CDK6: variants seen among roughly 807,000 people sequenced by gnomAD.
CDK6 encodes cyclin-dependent kinase 6.
Under a neutral mutation model 37.1 loss-of-function variants are expected in CDK6, and 6 were observed. The ratio of observed to expected loss-of-function variants is 0.16; its 90% CI spans 0.09 to 0.32. The LOEUF is 0.32. CDK6 is among the 10% of genes least tolerant of loss of function. CDK6 has a pLI of 1.00. For synonymous variants in CDK6, 160 were observed against 161.3 expected (o/e 0.99, Z 0.06); for missense variants, 224 against 418.9 (o/e 0.53, Z 4.06).
intron 5 of CDK6, among the ~76,000 whole-genome samples, chr7:92,625,532 C>CAAAAAA (rs67461662): frequency 7.7e-5 from 11 of 142,560 alleles, no homozygotes; most frequent in South Asian, 4.5e-4. Context: ...TGCAGTTTTG[C>CAAAAAA]AAAAAAAAAC....
intron 4 of CDK6, among the ~76,000 whole-genome samples, chr7:92,684,660 G>C (rs1278409780): frequency 6.6e-6 from 1 of 152,120 alleles, no homozygotes; most frequent in Non-Finnish European, 1.5e-5. Flanking sequence ...CTCACCAGCT[G>C]CCCATGTCAG....
chr7:92,664,867 C>T (rs1270568040), intron 5 of CDK6, among the ~76,000 whole-genome samples: 1 of 151,800 alleles, frequency 6.6e-6, no homozygotes, highest in Admixed American at 6.6e-5. Context: ...CTCACTGCAA[C>T]CTCCACCTCC....
intron 2 of CDK6, among the ~76,000 whole-genome samples, chr7:92,829,671 C>T (rs975599745): frequency 6.6e-6 from 1 of 152,162 alleles, no homozygotes; most frequent in African/African-American, 2.4e-5. Flanking sequence ...ATAGATCAAT[C>T]CCTATGTTAG....
chr7:92,633,134 C>A (rs1273132208), intron 5 of CDK6, among the ~76,000 whole-genome samples: 2 of 152,010 alleles, frequency 1.3e-5, no homozygotes, highest in Non-Finnish European at 2.9e-5. Flanking sequence ...TGGGTACACA[C>A]ATTTTCACTT....
intron 4 of CDK6, among the ~76,000 whole-genome samples, chr7:92,672,386 T>C (rs1797111338): frequency 6.6e-6 from 1 of 151,124 alleles, no homozygotes; most frequent in African/African-American, 2.4e-5. Context: ...AGAAAACAAG[T>C]AAAAAGTGGG....
rs3731277 is a variant in CDK6, at chr7:92,811,482, G to A, written c.233+21609C>T. On this transcript the variant is annotated intron_variant, in intron 2 of 7. Coordinates refer to ENST00000424848, the MANE Select transcript of CDK6 (RefSeq NM_001145306.2). Reference sequence around the variant, plus strand: ...AGGAAGAACAAACTGGGGTGGCTTCGAGTGAACAGTCTTGAGATTAAATGT... The same window carrying A: ...AGGAAGAACAAACTGGGGTGGCTTCAAGTGAACAGTCTTGAGATTAAATGT... Among the ~76,000 whole-genome samples the A allele has an allele frequency of 5.9e-5, 9 of 152,044 alleles. No individual in the cohort carries two copies. The East Asian group carries it at 1.5e-3, about 26-fold the overall frequency.
At chr7:92,682,530 C>T (rs528077700) in intron 4 of CDK6, among the ~76,000 whole-genome samples, 27 of 152,310 alleles carry the variant, frequency 1.8e-4, no homozygotes, top group South Asian at 2.1e-4. Context: ...TGTATCCTTA[C>T]GGTCTACTAG....
chr7:92,675,034 A>G (rs1797172758), intron 4 of CDK6, among the ~76,000 whole-genome samples: 1 of 152,114 alleles, frequency 6.6e-6, no homozygotes, highest in East Asian at 1.9e-4. Flanking sequence ...GGGTTTCACC[A>G]TGTTGGCCAG....
chr7:92,770,732 T>C (rs1025503640), intron 3 of CDK6, among the ~76,000 whole-genome samples: 11 of 152,116 alleles, frequency 7.2e-5, no homozygotes, highest in African/African-American at 2.7e-4. Flanking sequence ...CCATGGAGCA[T>C]CCTAGTTTTA....
In CDK6 at chr7:92,683,666, C is replaced by T. The variant is rs372000173; in HGVS notation, c.538-12131G>A. On this transcript the variant is annotated intron_variant, in intron 4 of 7. Transcript: ENST00000424848. The stretch of plus-strand genomic sequence containing the variant: ...ACCAGCCACAACATTTCCCAGTAAT[C>T]CAGGCTACCAGAAATGAATTTATAG... Among the ~76,000 whole-genome samples the T allele has an allele frequency of 2.6e-5, 4 of 151,936 alleles. No individual in the cohort carries two copies. In the South Asian group the frequency reaches 8.3e-4, roughly 32 times the overall value.
intron 6 of CDK6, among the ~76,000 whole-genome samples, chr7:92,622,465 T>C (rs377759515): frequency 2.6e-5 from 4 of 152,312 alleles, no homozygotes; most frequent in African/African-American, 9.6e-5. Context: ...TGCCAGGCAC[T>C]GTGTAAGCCC....
intron 3 of CDK6, among the ~76,000 whole-genome samples, chr7:92,765,716 T>C (rs1053067360): frequency 2.6e-5 from 4 of 152,140 alleles, no homozygotes; most frequent in African/African-American, 9.7e-5. Context: ...TGCAATGGAC[T>C]AGAGTCTTGA....
chr7:92,640,951 C>G (rs1045315664), intron 5 of CDK6, among the ~76,000 whole-genome samples: 3 of 151,984 alleles, frequency 2.0e-5, no homozygotes, highest in Admixed American at 2.0e-4. Context: ...CTACTATGTA[C>G]CAGGGAATAT....
chr7:92,668,793 G>A (rs1797013410), intron 5 of CDK6, among the ~76,000 whole-genome samples: 2 of 152,214 alleles, frequency 1.3e-5, no homozygotes, highest in African/African-American at 4.8e-5. Context: ...ATGGATATCT[G>A]GGGGGTATCA....
At chr7:92,827,704 C>T (rs1201026582) in intron 2 of CDK6, among the ~76,000 whole-genome samples, 2 of 152,164 alleles carry the variant, frequency 1.3e-5, no homozygotes, top group African/African-American at 4.8e-5. Context: ...CCTCCTGGAT[C>T]TTGGACAAAG....
At chr7:92,828,390 A>G (rs1047436445) in intron 2 of CDK6, among the ~76,000 whole-genome samples, 4 of 152,160 alleles carry the variant, frequency 2.6e-5, no homozygotes, top group African/African-American at 9.7e-5. Context: ...CCATCAAACA[A>G]ACAAACAAAA....
rs1467866439 is a variant in CDK6 at position 92,757,721 on chromosome 7, G to T, written c.369+16975C>A. On this transcript the variant is annotated intron_variant, in intron 3 of 7. Coordinates refer to ENST00000424848, the MANE Select transcript of CDK6 (RefSeq NM_001145306.2). ...GTAGTTCTGCTTTTAGCTCTTTGAG[G>T]AACCGCCACACTGATTTCCACAATG... Among the ~76,000 whole-genome samples, 5 of 152,252 alleles carry T rather than the reference G, an allele frequency of 3.3e-5. No homozygotes were observed. The East Asian group carries it at 9.7e-4, about 29-fold the overall frequency.
Position 92,834,738 on chromosome 7 carries a change from G to C in CDK6, c.-367-1048C>G, listed in dbSNP as rs1157344609. Among the ~76,000 whole-genome samples the C allele has an allele frequency of 3.9e-5, 6 of 151,910 alleles. No homozygotes were observed. The highest frequency in any genetic ancestry group is 9.7e-5 in the African/African-American group (4 of 41,346). ...GGTGAGAGAGAAGGTCTCTGTCCTCGGGGCCCGGACTCGCGAACCTTTTCC... is the reference window on the plus strand; with the variant it reads ...GGTGAGAGAGAAGGTCTCTGTCCTCCGGGCCCGGACTCGCGAACCTTTTCC... On this transcript the variant is annotated intron_variant, in intron 1 of 7. Coordinates refer to ENST00000424848, the MANE Select transcript of CDK6 (RefSeq NM_001145306.2). This position sits in a 1 kb window ranked among gnomAD's most constrained non-coding sequence, Gnocchi z 4.6.
chr7:92,644,333 C>A (rs1283226293), intron 5 of CDK6, among the ~76,000 whole-genome samples: 1 of 152,106 alleles, frequency 6.6e-6, no homozygotes, highest in Non-Finnish European at 1.5e-5. Flanking sequence ...GGACAAGTGG[C>A]TATTTACAGC....
Sources: gnomAD v4.1 joint callset for allele counts (sites outside exome capture counted in the v4.1 genomes callset) on GRCh38, gnomAD v4.1.1 for gene constraint, Gnocchi (gnomAD v3.1) non-coding constraint, MANE v1.5 for transcripts, NCBI Gene and HGNC (gene_info 2026-07-23, HGNC 2026-07-21) for gene names.